The following RIT2 variants were observed in gnomAD, a reference collection of about 807,000 sequenced individuals.
RIT2 encodes GTP-binding protein Rit2.
RIT2 carries 24 observed loss-of-function variants against 23.7 expected under a neutral mutation model. That is an observed-to-expected ratio of 1.01 (90% CI 0.73 to 1.43). The LOEUF is 1.43. RIT2 is among the 40% of genes most tolerant of loss of function. The pLI is 0.00. For synonymous variants in RIT2, 107 were observed against 91.1 expected, an observed-to-expected ratio of 1.17 and a Z score of -0.99; for missense variants, 236 against 266.9, an observed-to-expected ratio of 0.88 and a Z score of 0.81.
chr18:42,924,974 A>T (rs1321617971), intron 3 of RIT2, among the ~76,000 whole-genome samples: 1 of 152,056 alleles, frequency 6.6e-6, no homozygotes, highest in East Asian at 1.9e-4. Flanking sequence ...ATATGGAATA[A>T]ATGCAAACGG....
intron 1 of RIT2, among the ~76,000 whole-genome samples, chr18:43,096,440 G>T (rs1397301280): frequency 1.3e-5 from 2 of 151,882 alleles, no homozygotes; most frequent in East Asian, 3.9e-4. Flanking sequence ...TATCACAGAA[G>T]ATTATTTTTA....
chr18:42,756,484 C>T (rs1913166891), intron 4 of RIT2, among the ~76,000 whole-genome samples: 1 of 152,002 alleles, frequency 6.6e-6, no homozygotes, highest in African/African-American at 2.4e-5. Flanking sequence ...CCAGTAGTTG[C>T]TATGAAGGGA....
chr18:42,837,147 C>CTTTTCTTTTTTT (rs1906628971), intron 4 of RIT2, among the ~76,000 whole-genome samples: 2 of 48,718 alleles, frequency 4.1e-5, no homozygotes, highest in Non-Finnish European at 9.5e-5. Flanking sequence ...CTTTTTTTTT[C>CTTTTCTTTTTTT]TTTTTCTTTT....
intron 2 of RIT2, among the ~76,000 whole-genome samples, chr18:43,011,426 G>A (rs1911348469): frequency 6.6e-6 from 1 of 151,786 alleles, no homozygotes; most frequent in Non-Finnish European, 1.5e-5. Flanking sequence ...AGACAAAGAA[G>A]TGGAGGGGAA....
At chr18:42,846,443 G>T (rs1906911447) in intron 4 of RIT2, among the ~76,000 whole-genome samples, 1 of 151,872 alleles carries the variant, frequency 6.6e-6, no homozygotes, top group Non-Finnish European at 1.5e-5. Flanking sequence ...AATTATTCTT[G>T]CTTGGTATGG....
intron 3 of RIT2, among the ~76,000 whole-genome samples, chr18:42,929,266 G>A (rs1221010153): frequency 6.6e-6 from 1 of 151,722 alleles, no homozygotes; most frequent in Admixed American, 6.6e-5. Context: ...TTATCTTCTT[G>A]GGGTTTAGAT....
At chr18:42,779,148 A>G (rs1913746701) in intron 4 of RIT2, among the ~76,000 whole-genome samples, 1 of 152,190 alleles carries the variant, frequency 6.6e-6, no homozygotes, top group African/African-American at 2.4e-5. Flanking sequence ...TGAACTTTAG[A>G]CTGGCTTCTT....
At chr18:42,881,417 T>G (rs79498257) in intron 4 of RIT2, among the ~76,000 whole-genome samples, 3,913 of 152,290 alleles carry the variant, frequency 0.026, 164 homozygotes, top group African/African-American at 0.087. Flanking sequence ...TTCTAACACA[T>G]AAATAAAACT....
chr18:42,970,239 C>T (rs1910329816), intron 3 of RIT2, among the ~76,000 whole-genome samples: 1 of 151,490 alleles, frequency 6.6e-6, no homozygotes, highest in South Asian at 2.1e-4. Context: ...AAATTCTCAG[C>T]TCATTGTAAG....
At chr18:42,766,199 A>T (rs1913418153) in intron 4 of RIT2, among the ~76,000 whole-genome samples, 1 of 152,196 alleles carries the variant, frequency 6.6e-6, no homozygotes. Flanking sequence ...AATAGTTTGA[A>T]GCGCTCAGAA....
At chr18:42,986,100 C>T (rs181490874) in intron 2 of RIT2, among the ~76,000 whole-genome samples, 257 of 150,086 alleles carry the variant, frequency 1.7e-3, no homozygotes, top group African/African-American at 5.8e-3. Context: ...AGTGTAGTGG[C>T]ATGATCTCGG....
At chr18:43,040,129 T>C (rs1912093972) in intron 1 of RIT2, among the ~76,000 whole-genome samples, 1 of 152,128 alleles carries the variant, frequency 6.6e-6, no homozygotes, top group African/African-American at 2.4e-5. Flanking sequence ...AAAACACCTA[T>C]TGAGCATCTA....
At chr18:42,931,513 C>A (rs866298686) in intron 3 of RIT2, among the ~76,000 whole-genome samples, 63 of 152,146 alleles carry the variant, frequency 4.1e-4, no homozygotes, top group Non-Finnish European at 8.1e-4. Flanking sequence ...GTATTTGGAT[C>A]AAATTTTGCA....
intron 4 of RIT2, among the ~76,000 whole-genome samples, chr18:42,756,654 C>T (rs1006471005): frequency 2.6e-5 from 4 of 151,960 alleles, no homozygotes; most frequent in Non-Finnish European, 4.4e-5. Context: ...GGACCTTGAA[C>T]GTGTAAATAT....
At chr18:43,089,736 A>T (rs1339799343) in intron 1 of RIT2, among the ~76,000 whole-genome samples, 1 of 152,098 alleles carries the variant, frequency 6.6e-6, no homozygotes, top group African/African-American at 2.4e-5. Context: ...ATAAGGCTGC[A>T]TACTTACAAC....
intron 3 of RIT2, among the ~76,000 whole-genome samples, chr18:42,930,077 A>G (rs1391278348): frequency 6.6e-6 from 1 of 152,148 alleles, no homozygotes; most frequent in Non-Finnish European, 1.5e-5. Flanking sequence ...TGACTCATAT[A>G]AAGAGGTGGT....
intron 4 of RIT2, among the ~76,000 whole-genome samples, chr18:42,754,980 T>G (rs1913127798): frequency 6.6e-6 from 1 of 152,200 alleles, no homozygotes. Flanking sequence ...TACACCACTT[T>G]TTAGCCATGA....
At chr18:42,980,058 G>A (rs1215303864) in intron 2 of RIT2, among the ~76,000 whole-genome samples, 1 of 152,120 alleles carries the variant, frequency 6.6e-6, no homozygotes, top group African/African-American at 2.4e-5. Flanking sequence ...CATGAGATCT[G>A]ATGTAACCCT....
rs147231497 is a variant in RIT2, at chr18:42,997,824, G to C, written c.161-23677C>G. On this transcript the variant is annotated intron_variant, in intron 2 of 4. Transcript: ENST00000326695. ...CTTGGAAAATAGCCAGTGACTGCAA[G>C]AGACATTCAAATAATAAAGATGAGG... 6.6e-3 allele frequency among the ~76,000 whole-genome samples: 1,006 copies of C among 152,250 alleles called. 7 individuals carry two copies. Among genetic ancestry groups the C allele is most frequent in the Non-Finnish European group, 9.4e-3 (637 of 68,020 alleles).
Sources: gnomAD v4.1 joint callset for allele counts (sites outside exome capture counted in the v4.1 genomes callset) on GRCh38, gnomAD v4.1.1 for gene constraint, MANE v1.5 for transcripts, NCBI Gene and HGNC (gene_info 2026-07-23, HGNC 2026-07-21) for gene names.